The following CSMD1 variants were observed in gnomAD, a reference collection of about 807,000 sequenced individuals.
The protein encoded by CSMD1 is CUB and Sushi multiple domains 1.
CSMD1 carries 213 observed loss-of-function variants against 417.5 expected under a neutral mutation model. The ratio of observed to expected loss-of-function variants is 0.51; its 90% CI spans 0.46 to 0.57. CSMD1 has a LOEUF of 0.57. CSMD1 is among the 20% of genes least tolerant of loss of function. The pLI, the probability that CSMD1 is intolerant of heterozygous loss-of-function variation, is 0.00. For synonymous variants in CSMD1, 2,862 were observed against 1,736.8 expected, an observed-to-expected ratio of 1.65 and a Z score of -16.11; for missense variants, 6,923 against 4,529.7, an observed-to-expected ratio of 1.53 and a Z score of -15.17.
chr8:4,169,296 C>G (rs1014244925), intron 3 of CSMD1, among the ~76,000 whole-genome samples: 1 of 152,172 alleles, frequency 6.6e-6, no homozygotes, highest in Non-Finnish European at 1.5e-5. Flanking sequence ...AAAGGCAACT[C>G]CTGATCCTTC....
At chr8:4,419,719 C>T (rs13250547) in intron 3 of CSMD1, among the ~76,000 whole-genome samples, 3 of 152,140 alleles carry the variant, frequency 2.0e-5, no homozygotes, top group East Asian at 3.9e-4. Context: ...CAAAACAAAA[C>T]CCCAAGAAGA....
chr8:4,198,605 G>C (rs554294349), intron 3 of CSMD1, among the ~76,000 whole-genome samples: 1 of 152,234 alleles, frequency 6.6e-6, no homozygotes, highest in African/African-American at 2.4e-5. Context: ...TTAACGTAAT[G>C]AGTCTTTAAG....
Position 3,547,216 on chromosome 8 carries a change from G to A in CSMD1, c.1344+27729C>T, listed in dbSNP as rs79971118. ...AACAGGGCCACATGGCTTTGACTTC[G>A]GCCTTAAATAAGTGAGCAAGCCTCT... On this transcript the variant is annotated intron_variant, in intron 10 of 69. Coordinates refer to ENST00000635120, the MANE Select transcript of CSMD1 (RefSeq NM_033225.6). Among the ~76,000 whole-genome samples, 38 of 152,256 alleles carry A rather than the reference G, an allele frequency of 2.5e-4. No individual in the cohort carries two copies. In the East Asian group the frequency reaches 5.0e-3, roughly 20 times the overall value.
chr8:4,761,912 A>ATCAATCTATCTATCT (rs1812126573), intron 1 of CSMD1, among the ~76,000 whole-genome samples: 2 of 101,264 alleles, frequency 2.0e-5, no homozygotes, highest in African/African-American at 7.9e-5. Flanking sequence ...TCTATCTATC[A>ATCAATCTATCTATCT]ATCTATCTAT....
At chr8:4,428,796 T>G (rs1163108646) in intron 2 of CSMD1, among the ~76,000 whole-genome samples, 1 of 152,144 alleles carries the variant, frequency 6.6e-6, no homozygotes, top group Non-Finnish European at 1.5e-5. Flanking sequence ...CTTGGCTCAC[T>G]GCAACCTCCA....
intron 3 of CSMD1, among the ~76,000 whole-genome samples, chr8:4,395,169 C>G (rs899742807): frequency 2.6e-5 from 4 of 152,174 alleles, no homozygotes; most frequent in East Asian, 1.9e-4. Context: ...TCCCTTAGAA[C>G]AACCCCTCCT....
chr8:4,167,381 CTA>C (rs1326389216), intron 3 of CSMD1, among the ~76,000 whole-genome samples: 3 of 152,070 alleles, frequency 2.0e-5, no homozygotes, highest in Admixed American at 2.0e-4. Context: ...AAATAACAAA[CTA>C]TGTTAAATTT....
chr8:3,568,898 T>C (rs1167963007), intron 10 of CSMD1, among the ~76,000 whole-genome samples: 1 of 152,116 alleles, frequency 6.6e-6, no homozygotes, highest in Non-Finnish European at 1.5e-5. Flanking sequence ...AACTTTCCAA[T>C]GAAGACCCCA....
chr8:4,892,493 A>T (rs1217813931), intron 1 of CSMD1, among the ~76,000 whole-genome samples: 1 of 152,140 alleles, frequency 6.6e-6, no homozygotes, highest in African/African-American at 2.4e-5. Context: ...TGAAAAATAT[A>T]GTAAATATTT....
chr8:3,843,049 G>A (rs1803237791), intron 5 of CSMD1, among the ~76,000 whole-genome samples: 1 of 152,152 alleles, frequency 6.6e-6, no homozygotes, highest in African/African-American at 2.4e-5. Flanking sequence ...TTTTGCACAT[G>A]ATAAATGTTG....
chr8:4,041,716 T>C (rs1328802649), intron 3 of CSMD1, among the ~76,000 whole-genome samples: 1 of 152,154 alleles, frequency 6.6e-6, no homozygotes, highest in African/African-American at 2.4e-5. Flanking sequence ...ACATTAAAAC[T>C]GTTATTAGAA....
At chr8:2,963,961 T>G (rs935469895) in intron 59 of CSMD1, among the ~76,000 whole-genome samples, 1 of 152,186 alleles carries the variant, frequency 6.6e-6, no homozygotes, top group Non-Finnish European at 1.5e-5. Context: ...GTCCACTTTA[T>G]GGGGCTGAGA....
Position 4,375,552 on chromosome 8 carries a change from C to T in CSMD1, c.415+44401G>A, listed in dbSNP as rs1267090298. ...TCCTCCTTAACATTTTAGCCCACTT[C>T]TTACTAACATTAGCATTTCAACTGA... On this transcript the variant is annotated intron_variant, in intron 3 of 69. Coordinates refer to ENST00000635120, the MANE Select transcript of CSMD1 (RefSeq NM_033225.6). 2.0e-5 allele frequency among the ~76,000 whole-genome samples: 3 copies of T among 152,216 alleles called. No individual in the cohort carries two copies. The East Asian group carries it at 5.8e-4, about 29-fold the overall frequency.
chr8:4,482,397 C>T (rs554596020), intron 2 of CSMD1, among the ~76,000 whole-genome samples: 1 of 152,182 alleles, frequency 6.6e-6, no homozygotes, highest in Non-Finnish European at 1.5e-5. Flanking sequence ...CCTCCAGCTC[C>T]ATCCATGCTC....
At chr8:3,483,034 G>GA (rs1817833005) in intron 11 of CSMD1, among the ~76,000 whole-genome samples, 1 of 152,000 alleles carries the variant, frequency 6.6e-6, no homozygotes, top group South Asian at 2.1e-4. Context: ...AGAAAAGAAT[G>GA]AAAAAAATTA....
chr8:4,190,910 G>T (rs918270963), intron 3 of CSMD1, among the ~76,000 whole-genome samples: 11 of 151,110 alleles, frequency 7.3e-5, no homozygotes, highest in Non-Finnish European at 1.2e-4. Context: ...AGAACACATG[G>T]GTACACATAG....
At chr8:3,693,424 T>C (rs995230998) in intron 7 of CSMD1, among the ~76,000 whole-genome samples, 3 of 152,168 alleles carry the variant, frequency 2.0e-5, no homozygotes, top group African/African-American at 7.2e-5. Flanking sequence ...CTGACAATTG[T>C]GGGTGGGCTG....
chr8:4,517,109 G>C (rs764007143), intron 2 of CSMD1, among the ~76,000 whole-genome samples: 47 of 152,118 alleles, frequency 3.1e-4, no homozygotes, highest in Non-Finnish European at 7.4e-5. Context: ...TTTTCCTGTA[G>C]AAGACTGCTT....
At chr8:3,346,543 A>G (rs1399691297) in intron 22 of CSMD1, among the ~76,000 whole-genome samples, 1 of 152,248 alleles carries the variant, frequency 6.6e-6, no homozygotes, top group East Asian at 1.9e-4. Context: ...TTAAAATGAA[A>G]GAACAACTAG....
Sources: allele counts gnomAD v4.1 joint callset (sites outside exome capture counted in the v4.1 genomes callset), GRCh38; gene constraint gnomAD v4.1.1; transcripts MANE v1.5; gene names NCBI Gene and HGNC (gene_info 2026-07-23, HGNC 2026-07-21).